HS3ST4: variants seen among roughly 807,000 people sequenced by gnomAD.
HS3ST4 encodes heparan sulfate glucosamine 3-O-sulfotransferase 4.
HS3ST4 carries 17 observed loss-of-function variants against 29.2 expected under a neutral mutation model. The observed-to-expected ratio is 0.58, with a 90% confidence interval of 0.40 to 0.87. The LOEUF (loss-of-function observed/expected upper bound fraction) is 0.87. Among genes scored for constraint, HS3ST4 ranks in the 40% least tolerant of loss-of-function variants. HS3ST4 has a pLI of 0.00. For synonymous variants in HS3ST4, 314 were observed against 285.7 expected, an observed-to-expected ratio of 1.10 and a Z score of -1.00; for missense variants, 627 against 634.5, an observed-to-expected ratio of 0.99 and a Z score of 0.13.
intron 1 of HS3ST4, among the ~76,000 whole-genome samples, chr16:25,969,022 T>C (rs1395638284): frequency 6.6e-6 from 1 of 152,162 alleles, no homozygotes; most frequent in East Asian, 1.9e-4. Context: ...GGTTTCACCA[T>C]GTTGGCCAAG....
At chr16:26,114,274 G>A (rs1016633041) in intron 1 of HS3ST4, among the ~76,000 whole-genome samples, 4 of 152,042 alleles carry the variant, frequency 2.6e-5, no homozygotes, top group African/African-American at 9.7e-5. Flanking sequence ...CCTTCCTTAT[G>A]GTCTTTTTTT....
intron 1 of HS3ST4, among the ~76,000 whole-genome samples, chr16:26,054,039 G>A (rs147326005): frequency 6.1e-4 from 93 of 152,274 alleles, no homozygotes; most frequent in African/African-American, 2.1e-3. Flanking sequence ...CCTGCTCTTA[G>A]AGTGATACAC....
chr16:26,125,949 G>A (rs28571934), intron 1 of HS3ST4, among the ~76,000 whole-genome samples: 60,697 of 152,164 alleles, frequency 0.4, 13,132 homozygotes, highest in African/African-American at 0.57. Flanking sequence ...TATTTTGCTA[G>A]TTATCTTCTG....
intron 1 of HS3ST4, among the ~76,000 whole-genome samples, chr16:26,070,403 T>C (rs1229957482): frequency 6.6e-6 from 1 of 152,198 alleles, no homozygotes; most frequent in Non-Finnish European, 1.5e-5. Context: ...AGCTCCCAGC[T>C]GCAGACGTCA....
At chr16:26,008,348 A>G (rs1404932065) in intron 1 of HS3ST4, among the ~76,000 whole-genome samples, 1 of 152,166 alleles carries the variant, frequency 6.6e-6, no homozygotes, top group Non-Finnish European at 1.5e-5. Flanking sequence ...CTGTTTATTC[A>G]CATCCACTGA....
intron 1 of HS3ST4, among the ~76,000 whole-genome samples, chr16:26,064,344 C>A (rs1324160537): frequency 1.3e-5 from 2 of 152,098 alleles, no homozygotes; most frequent in African/African-American, 4.8e-5. Context: ...GTCCAAGGTG[C>A]TTAGGGTATA....
At chr16:25,833,143 G>A (rs1242330656) in intron 1 of HS3ST4, among the ~76,000 whole-genome samples, 2 of 152,146 alleles carry the variant, frequency 1.3e-5, no homozygotes, top group East Asian at 1.9e-4. Context: ...ATAATTTTCT[G>A]TGTGTTTTGC....
At chr16:25,849,707 A>G (rs749324563) in intron 1 of HS3ST4, among the ~76,000 whole-genome samples, 1 of 152,106 alleles carries the variant, frequency 6.6e-6, no homozygotes, top group East Asian at 1.9e-4. Context: ...GGGTCTCACC[A>G]TGTTGCCCAG....
intron 1 of HS3ST4, among the ~76,000 whole-genome samples, chr16:25,870,316 C>T (rs1441716913): frequency 6.6e-6 from 1 of 152,056 alleles, no homozygotes; most frequent in Admixed American, 6.6e-5. Flanking sequence ...TGTCTTGGAA[C>T]TTATAGTTAA....
At chr16:25,756,182 C>G (rs537339163) in intron 1 of HS3ST4, among the ~76,000 whole-genome samples, 100 of 151,122 alleles carry the variant, frequency 6.6e-4, no homozygotes, top group African/African-American at 2.3e-3. Flanking sequence ...ACACACCCTG[C>G]CTTATTCCTT....
intron 1 of HS3ST4, among the ~76,000 whole-genome samples, chr16:25,713,533 CAA>C (rs1020119020): frequency 6.1e-5 from 1 of 16,418 alleles, no homozygotes; most frequent in Non-Finnish European, 2.2e-4. Context: ...GTCTCAAAAA[CAA>C]ACAAACAAAC....
intron 1 of HS3ST4, among the ~76,000 whole-genome samples, chr16:26,027,859 G>C (rs1271914053): frequency 6.6e-6 from 1 of 152,206 alleles, no homozygotes; most frequent in East Asian, 1.9e-4. Flanking sequence ...CTCAGTAATG[G>C]CTGACTCCAT....
chr16:25,740,370 G>GAGTTTGAGT (rs1465546073), intron 1 of HS3ST4, among the ~76,000 whole-genome samples: 1 of 152,186 alleles, frequency 6.6e-6, no homozygotes, highest in African/African-American at 2.4e-5. Context: ...TGGCACCATT[G>GAGTTTGAGT]AGTTTGAGTA....
chr16:25,979,518 G>A (rs1425364045), intron 1 of HS3ST4, among the ~76,000 whole-genome samples: 1 of 152,168 alleles, frequency 6.6e-6, no homozygotes, highest in Non-Finnish European at 1.5e-5. Context: ...TAGGTTACAG[G>A]CTCCTTATGA....
intron 1 of HS3ST4, among the ~76,000 whole-genome samples, chr16:25,744,999 A>G (rs1179092267): frequency 6.6e-6 from 1 of 151,030 alleles, no homozygotes; most frequent in East Asian, 2.0e-4. Flanking sequence ...TACATCCTAA[A>G]TGGGAGGAAT....
At chr16:25,814,609 G>A (rs1054774810) in intron 1 of HS3ST4, among the ~76,000 whole-genome samples, 2 of 152,290 alleles carry the variant, frequency 1.3e-5, no homozygotes, top group African/African-American at 2.4e-5. Flanking sequence ...CTCCCAAAGC[G>A]CTGGGATTAC....
At chr16:25,896,499 CAG>C (rs1190584487) in intron 1 of HS3ST4, among the ~76,000 whole-genome samples, 4 of 152,128 alleles carry the variant, frequency 2.6e-5, no homozygotes, top group East Asian at 1.9e-4. Context: ...TAAAAAATAA[CAG>C]ATGTTGGCAG....
At position 25,781,331 on chromosome 16, in the gene HS3ST4, C is replaced by T. The variant is rs971879527; in HGVS notation, c.734+88180C>T. On this transcript the variant is annotated intron_variant, in intron 1 of 1. Coordinates refer to ENST00000331351, the MANE Select transcript of HS3ST4 (RefSeq NM_006040.3). ...TGGAGTTTCCCATACACACCAGCACCCTTAGTTGCTAGAGGTCCCTCATCA... is the reference window on the plus strand; with the variant it reads ...TGGAGTTTCCCATACACACCAGCACTCTTAGTTGCTAGAGGTCCCTCATCA... Among the ~76,000 whole-genome samples the T allele has an allele frequency of 5.3e-5, 8 of 152,304 alleles. No individual in the cohort carries two copies. The East Asian group carries it at 1.5e-3, about 29-fold the overall frequency.
At chr16:25,988,399 T>G (rs868712407) in intron 1 of HS3ST4, among the ~76,000 whole-genome samples, 1 of 152,124 alleles carries the variant, frequency 6.6e-6, no homozygotes, top group Non-Finnish European at 1.5e-5. Flanking sequence ...CTGTGGATGT[T>G]TTTTGGTCCT....
Sources: gnomAD v4.1 joint callset for allele counts (sites outside exome capture counted in the v4.1 genomes callset) on GRCh38, gnomAD v4.1.1 for gene constraint, MANE v1.5 for transcripts, NCBI Gene and HGNC (gene_info 2026-07-23, HGNC 2026-07-21) for gene names.